Variants in COBL observed in about 807,000 individuals in gnomAD.
COBL encodes the protein protein cordon-bleu.
Under a neutral mutation model 98.8 loss-of-function variants are expected in COBL, and 51 were observed. That is an observed-to-expected ratio of 0.52 (90% CI 0.41 to 0.65). COBL has a LOEUF of 0.65. Ranked by LOEUF, COBL falls within the 30% of genes least tolerant of loss-of-function variation. The pLI is 0.00. For missense variants in COBL, 1,617 were observed against 1,617.5 expected (o/e 1.00, Z 0.01); for synonymous variants, 634 against 651.7 (o/e 0.97, Z 0.41).
At chr7:51,253,398 A>G (rs1020388297) in intron 1 of COBL, among the ~76,000 whole-genome samples, 5 of 152,066 alleles carry the variant, frequency 3.3e-5, no homozygotes, top group African/African-American at 1.2e-4. Flanking sequence ...GTTTTGATGT[A>G]CTCCACAGGC....
intron 1 of COBL, among the ~76,000 whole-genome samples, chr7:51,309,637 T>C (rs537178626): frequency 6.6e-6 from 1 of 152,298 alleles, no homozygotes; most frequent in East Asian, 1.9e-4. Flanking sequence ...GAAAGAGGAC[T>C]CTAGAATATT....
At position 51,050,023 on chromosome 7, in the gene COBL, T is replaced by C. The variant is rs529648588; in HGVS notation, c.1097-6331A>G. ...AGCCTCTTTAGTTTGATGGGCACTATTTAATAACGTTTTATATTAATGCTC... is the reference window on the plus strand; with the variant it reads ...AGCCTCTTTAGTTTGATGGGCACTACTTAATAACGTTTTATATTAATGCTC... On this transcript the variant is annotated intron_variant, in intron 7 of 12. Coordinates refer to ENST00000265136, the MANE Select transcript of COBL (RefSeq NM_015198.5). 1.2e-4 allele frequency among the ~76,000 whole-genome samples: 19 copies of C among 152,324 alleles called. No individual in the cohort carries two copies. The South Asian group carries it at 3.9e-3, about 32-fold the overall frequency.
intron 6 of COBL, among the ~76,000 whole-genome samples, chr7:51,108,627 T>C (rs1423902008): frequency 1.3e-5 from 2 of 152,194 alleles, no homozygotes; most frequent in African/African-American, 2.4e-5. Context: ...TCCCATCCTG[T>C]GGCCTCCTGG....
At chr7:51,087,117 CAA>C (rs959028397) in intron 6 of COBL, among the ~76,000 whole-genome samples, 6 of 64,086 alleles carry the variant, frequency 9.4e-5, no homozygotes, top group African/African-American at 4.9e-4. Flanking sequence ...CACATACACA[CAA>C]ACACACACAC....
In COBL at chr7:51,128,945, G is replaced by A. The variant is rs528879181; in HGVS notation, c.957+7213C>T. 2.0e-5 allele frequency among the ~76,000 whole-genome samples: 3 copies of A among 152,336 alleles called. No individual in the cohort carries two copies. The South Asian group carries it at 6.2e-4, about 32-fold the overall frequency. ...ACCTCGCACTGAGGGAAATAAGATCGTTCTCTAGCTCTGGCACTCGCACTT... is the reference window on the plus strand; with the variant it reads ...ACCTCGCACTGAGGGAAATAAGATCATTCTCTAGCTCTGGCACTCGCACTT... On this transcript the variant is annotated intron_variant, in intron 6 of 12. Coordinates refer to ENST00000265136, the MANE Select transcript of COBL (RefSeq NM_015198.5).
rs1223551255 is a variant in COBL, at chr7:51,017,248, G to T, written c.*303C>A. The T allele has an allele frequency of 7.3e-6, 4 of 545,754 alleles. No homozygotes were observed. Among genetic ancestry groups the T allele is most frequent in the Non-Finnish European group, 6.5e-6 (2 of 309,870 alleles). 33.8% of individuals were successfully genotyped at this position (545,754 alleles called of 1,614,324 possible). A position where few individuals can be genotyped will look rare whatever the true frequency, so the allele number is the denominator to read the frequency against. The stretch of plus-strand genomic sequence containing the variant: ...ACTTTGCCCATAAATATAATTAAGT[G>T]TGAGTGCTGGGCTCCAGCATTTATA... On this transcript the variant is annotated 3_prime_UTR_variant, in exon 13 of 13. Coordinates refer to ENST00000265136, the MANE Select transcript of COBL (RefSeq NM_015198.5).
In COBL at chr7:51,033,877, G is replaced by A. The variant is rs1788378995; in HGVS notation, c.1407-2968C>T. On this transcript the variant is annotated intron_variant, in intron 8 of 12. Coordinates refer to ENST00000265136, the MANE Select transcript of COBL (RefSeq NM_015198.5). ...AGCCTGAAACTGTAACAGAGAGGCT[G>A]TACAAGGTCTGAACAGTCTCAGCCC... 2.0e-5 allele frequency: 3 copies of A among 152,244 alleles called. No individual in the cohort carries two copies. In the South Asian group the frequency reaches 6.2e-4, roughly 32 times the overall value. The allele number at this position is 152,244 out of a possible 1,614,324, so 9.4% of individuals were successfully genotyped here.
chr7:51,287,883 G>C (rs1293315618), intron 1 of COBL, among the ~76,000 whole-genome samples: 3 of 152,134 alleles, frequency 2.0e-5, no homozygotes, highest in Admixed American at 6.6e-5. Flanking sequence ...TGACTGAAAG[G>C]AGCTGAATCT....
chr7:51,178,696 C>A (rs867061391), intron 5 of COBL, among the ~76,000 whole-genome samples: 6 of 152,124 alleles, frequency 3.9e-5, no homozygotes, highest in Non-Finnish European at 7.4e-5. Context: ...GCAACCTCCG[C>A]CCCCTGGGTT....
intron 1 of COBL, among the ~76,000 whole-genome samples, chr7:51,264,891 C>A (rs1440364493): frequency 6.6e-6 from 1 of 152,136 alleles, no homozygotes; most frequent in South Asian, 2.1e-4. Flanking sequence ...ATTTCATATC[C>A]ATAGGAAATA....
At chr7:51,246,350 T>C (rs1796268681) in intron 1 of COBL, among the ~76,000 whole-genome samples, 1 of 152,184 alleles carries the variant, frequency 6.6e-6, no homozygotes, top group Non-Finnish European at 1.5e-5. Flanking sequence ...CAGAAGCCCA[T>C]AGTAAATGCT....
At chr7:51,152,822 G>A (rs1194596694) in intron 5 of COBL, among the ~76,000 whole-genome samples, 10 of 152,198 alleles carry the variant, frequency 6.6e-5, no homozygotes, top group Admixed American at 6.5e-4. Context: ...AGAGGCTGGC[G>A]ATGGTCTTAG....
At chr7:51,207,036 T>C (rs931893632) in intron 2 of COBL, among the ~76,000 whole-genome samples, 2 of 152,098 alleles carry the variant, frequency 1.3e-5, no homozygotes, top group Non-Finnish European at 2.9e-5. Flanking sequence ...CACACACACA[T>C]ACACACACAA....
intron 5 of COBL, among the ~76,000 whole-genome samples, chr7:51,151,044 G>C (rs987767317): frequency 1.3e-5 from 2 of 151,980 alleles, no homozygotes; most frequent in African/African-American, 4.8e-5. Flanking sequence ...GTCAGGGCAA[G>C]AAAATGAGTC....
At chr7:51,249,304 A>G (rs991231753) in intron 1 of COBL, among the ~76,000 whole-genome samples, 1 of 152,212 alleles carries the variant, frequency 6.6e-6, no homozygotes, top group Admixed American at 6.5e-5. Flanking sequence ...CAACAAACAG[A>G]CACAGAAAAT....
At chr7:51,131,933 G>A (rs1798783810) in intron 6 of COBL, among the ~76,000 whole-genome samples, 2 of 152,296 alleles carry the variant, frequency 1.3e-5, no homozygotes, top group East Asian at 1.9e-4. Flanking sequence ...TGAAAGGGAT[G>A]AGCAACTCTC....
At chr7:51,020,929 A>C (rs773136005) in intron 12 of COBL, 12 of 152,236 alleles carry the variant, frequency 7.9e-5, no homozygotes, top group Non-Finnish European at 1.5e-4. Context: ...TTTGTATTTG[A>C]TCATGGGCAG....
At chr7:51,050,603 G>C (rs775569514) in intron 7 of COBL, among the ~76,000 whole-genome samples, 1 of 152,210 alleles carries the variant, frequency 6.6e-6, no homozygotes, top group Non-Finnish European at 1.5e-5. Flanking sequence ...TCCACCAGAG[G>C]TGTTCAGGAA....
intron 8 of COBL, among the ~76,000 whole-genome samples, chr7:51,037,339 T>C (rs1296231872): frequency 6.6e-6 from 1 of 152,160 alleles, no homozygotes; most frequent in East Asian, 1.9e-4. Context: ...ATATCTCAAT[T>C]TTACTGACCA....
Sources: allele counts gnomAD v4.1 joint callset (sites outside exome capture counted in the v4.1 genomes callset), GRCh38; gene constraint gnomAD v4.1.1; transcripts MANE v1.5; gene names NCBI Gene and HGNC (gene_info 2026-07-23, HGNC 2026-07-21).